Variants in TBX5 observed in about 807,000 individuals in gnomAD.
TBX5 encodes the protein T-box transcription factor 5.
TBX5 carries 8 observed loss-of-function variants against 51.1 expected under a neutral mutation model. The observed-to-expected ratio is 0.16, with a 90% CI of 0.09 to 0.28. TBX5 has a LOEUF of 0.28. Ranked by LOEUF, TBX5 falls within the 10% of genes least tolerant of loss-of-function variation. The pLI is 1.00. For missense variants in TBX5, 589 were observed against 671.7 expected (o/e 0.88, Z 1.36); for synonymous variants, 302 against 266.4 (o/e 1.13, Z -1.30).
chr12:114,382,263 A>T (rs1870543441), intron 7 of TBX5, among the ~76,000 whole-genome samples: 1 of 152,196 alleles, frequency 6.6e-6, no homozygotes, highest in Non-Finnish European at 1.5e-5. Flanking sequence ...GCAGTGAGTC[A>T]TGATCGCACC....
At chr12:114,377,544 T>A (rs911455609) in intron 7 of TBX5, among the ~76,000 whole-genome samples, 50 of 151,730 alleles carry the variant, frequency 3.3e-4, no homozygotes, top group African/African-American at 1.1e-3. Context: ...ACACAGGCTA[T>A]CATGTCCAGT....
chr12:114,389,194 C>T (rs540270881), intron 6 of TBX5, among the ~76,000 whole-genome samples: 1 of 152,096 alleles, frequency 6.6e-6, no homozygotes, highest in East Asian at 2.0e-4. Context: ...TCCCAAAGTG[C>T]TAGGATTACA....
chr12:114,367,621 G>T (rs1869621831), intron 7 of TBX5, among the ~76,000 whole-genome samples: 1 of 151,654 alleles, frequency 6.6e-6, no homozygotes, highest in Non-Finnish European at 1.5e-5. Context: ...AATGAGAGAG[G>T]TGGGGAATGG....
At chr12:114,389,430 T>C (rs1237771757) in intron 6 of TBX5, among the ~76,000 whole-genome samples, 1 of 151,974 alleles carries the variant, frequency 6.6e-6, no homozygotes, top group East Asian at 1.9e-4. Context: ...TTAATGGACT[T>C]GCAAAAAGTT....
intron 7 of TBX5, among the ~76,000 whole-genome samples, chr12:114,369,101 T>A (rs1024717831): frequency 2.0e-5 from 3 of 152,246 alleles, no homozygotes; most frequent in African/African-American, 7.2e-5. Flanking sequence ...TAGATCTATT[T>A]AGTTCCAATA....
At chr12:114,371,758 G>T (rs1869923941) in intron 7 of TBX5, among the ~76,000 whole-genome samples, 1 of 151,926 alleles carries the variant, frequency 6.6e-6, no homozygotes, top group South Asian at 2.1e-4. Flanking sequence ...TAAAAAGGGG[G>T]CCACATCACC....
chr12:114,390,711 T>C (rs1871103850), intron 6 of TBX5, among the ~76,000 whole-genome samples: 1 of 152,206 alleles, frequency 6.6e-6, no homozygotes, highest in African/African-American at 2.4e-5. Context: ...GTTAAGTTAA[T>C]ATCTGGGGAT....
At chr12:114,395,048 A>G (rs1871346336) in intron 5 of TBX5, among the ~76,000 whole-genome samples, 155 bp from the exon 6 acceptor site, 1 of 152,218 alleles carries the variant, frequency 6.6e-6, no homozygotes, top group Non-Finnish European at 1.5e-5. Flanking sequence ...CAGGGATTTC[A>G]TTAAAAAGAA....
chr12:114,373,489 C>T (rs554526558), intron 7 of TBX5, among the ~76,000 whole-genome samples: 6 of 152,326 alleles, frequency 3.9e-5, no homozygotes, highest in South Asian at 2.1e-4. Context: ...GAGACAGTCT[C>T]GCTCTGTCGC....
chr12:114,380,752 T>C (rs1345102421), intron 7 of TBX5, among the ~76,000 whole-genome samples: 1 of 152,050 alleles, frequency 6.6e-6, no homozygotes, highest in African/African-American at 2.4e-5. Flanking sequence ...TTGCTGGAGC[T>C]CAGGAGTTCG....
chr12:114,403,243 C>A (rs985861042), intron 2 of TBX5, among the ~76,000 whole-genome samples: 18 of 152,206 alleles, frequency 1.2e-4, no homozygotes, highest in African/African-American at 3.6e-4. Flanking sequence ...AATGGTGCGG[C>A]GCGCGGGTCT....
intron 6 of TBX5, among the ~76,000 whole-genome samples, chr12:114,386,532 T>G (rs1482418756): frequency 1.3e-5 from 2 of 152,262 alleles, no homozygotes; most frequent in African/African-American, 2.4e-5. Context: ...ACCTGTACAC[T>G]GGCTTAATAT....
intron 1 of TBX5, among the ~76,000 whole-genome samples, chr12:114,404,317 G>A (rs1480828650): frequency 6.6e-6 from 1 of 152,050 alleles, no homozygotes; most frequent in Non-Finnish European, 1.5e-5. Context: ...CACTGGGTAG[G>A]AACCAAAAAC....
At chr12:114,366,051 A>G (rs746408306) in intron 8 of TBX5, 114 bp downstream of exon 8, 1 of 1,196,734 alleles carries the variant, frequency 8.4e-7, no homozygotes, top group Admixed American at 1.7e-5. Flanking sequence ...TGTGTTGTTT[A>G]CATTTTTAAA....
At chr12:114,400,994 A>G (rs112265979) in intron 3 of TBX5, among the ~76,000 whole-genome samples, 2,576 of 152,172 alleles carry the variant, frequency 0.017, 58 homozygotes, top group African/African-American at 0.059. Context: ...TGCTCGGGGC[A>G]TCCTCTGGCT....
At chr12:114,365,846 GA>G (rs1212815308) in intron 8 of TBX5, among the ~76,000 whole-genome samples, 13 of 117,014 alleles carry the variant, frequency 1.1e-4, no homozygotes, top group East Asian at 5.7e-4. Flanking sequence ...AAAAAAAAAA[GA>G]AAAAAAAAAG....
intron 7 of TBX5, among the ~76,000 whole-genome samples, chr12:114,378,480 G>A (rs533498772): frequency 1.2e-4 from 19 of 152,266 alleles, no homozygotes; most frequent in South Asian, 1.0e-3. Flanking sequence ...ACCTACCAGC[G>A]ATCGAGCGTC....
At chr12:114,360,458 G>C (rs1869170605) in intron 8 of TBX5, among the ~76,000 whole-genome samples, 1 of 151,046 alleles carries the variant, frequency 6.6e-6, no homozygotes, top group African/African-American at 2.4e-5. Flanking sequence ...ATGGGTGGTT[G>C]GATGGGTGGA....
At position 114,355,572 on chromosome 12, in the gene TBX5, T is replaced by C; in HGVS notation, c.1517A>G (p.His506Arg). ...CCACTCTGGCACCATGCCAACTCCG[T>C]GCACAGAGTGGTACTGATGAGGGGA... ...TLSPHQYHSV[H>R]GVGMVPEWSD... The change falls in exon 9 of 9, where the codon CAC becomes CGC. Residue 506 changes from histidine to arginine, a missense_variant. Coordinates refer to ENST00000405440, the MANE Select transcript of TBX5 (RefSeq NM_181486.4). 1 of 1,614,146 alleles carries C rather than the reference T, an allele frequency of 6.2e-7. No individual in the cohort carries two copies.
Sources: gnomAD v4.1 joint callset for allele counts (sites outside exome capture counted in the v4.1 genomes callset) on GRCh38, gnomAD v4.1.1 for gene constraint, MANE v1.5 for transcripts, NCBI Gene and HGNC (gene_info 2026-07-23, HGNC 2026-07-21) for gene names.